Variants in HMCN1 observed in about 807,000 individuals in gnomAD.
HMCN1 encodes hemicentin-1.
In HMCN1, 321 loss-of-function variants were observed where a neutral mutation model predicts 625.9. The observed-to-expected ratio is 0.51, with a 90% CI of 0.47 to 0.56. HMCN1 has a LOEUF of 0.56. Among genes scored for constraint, HMCN1 ranks in the 20% least tolerant of loss-of-function variants. The probability of loss-of-function intolerance (pLI) is 0.00; values close to 1 mark genes in which losing one functional copy is unlikely to be tolerated. For missense variants in HMCN1, 6,588 were observed against 6,887.3 expected, an observed-to-expected ratio of 0.96 and a Z score of 1.54; for synonymous variants, 2,425 against 2,417.6, an observed-to-expected ratio of 1.00 and a Z score of -0.09.
At chr1:186,031,524 A>G (rs1655438064) in intron 36 of HMCN1, among the ~76,000 whole-genome samples, 1 of 151,842 alleles carries the variant, frequency 6.6e-6, no homozygotes, top group South Asian at 2.1e-4. Context: ...AGAATTTTTT[A>G]AACTTCTTAG....
At chr1:185,833,029 A>T (rs564900567) in intron 1 of HMCN1, among the ~76,000 whole-genome samples, 118 of 152,254 alleles carry the variant, frequency 7.8e-4, no homozygotes, top group Non-Finnish European at 1.5e-3. Context: ...TTTCTGTCTT[A>T]ATAGCCTTCT....
At chr1:185,760,409 T>A (rs1414562709) in intron 1 of HMCN1, among the ~76,000 whole-genome samples, 1 of 152,150 alleles carries the variant, frequency 6.6e-6, no homozygotes, top group Non-Finnish European at 1.5e-5. Flanking sequence ...AGAGAATATG[T>A]CTTACAATGG....
At position 185,865,974 on chromosome 1, in the gene HMCN1, T is replaced by C. The variant is rs1308594409; in HGVS notation, c.621+111T>C. 3 of 1,016,402 alleles carry C rather than the reference T, an allele frequency of 3.0e-6. No individual in the cohort carries two copies. In the Admixed American group the frequency reaches 5.8e-5, roughly 19 times the overall value. 63.0% of individuals were successfully genotyped at this position (1,016,402 alleles called of 1,614,324 possible). On this transcript the variant is annotated intron_variant, in intron 4 of 106. Transcript: ENST00000271588. ...CAAAAACAATTTTAACCAAAAGGTATAACTCCAAGGCCACAGTTCAATAAA... is the reference window on the plus strand; with the variant it reads ...CAAAAACAATTTTAACCAAAAGGTACAACTCCAAGGCCACAGTTCAATAAA...
chr1:185,980,615 T>C (rs1020969455), intron 16 of HMCN1, among the ~76,000 whole-genome samples: 3 of 151,336 alleles, frequency 2.0e-5, no homozygotes, highest in Non-Finnish European at 3.0e-5. Flanking sequence ...AGCACCACCA[T>C]TGATGGTGCA....
intron 36 of HMCN1, among the ~76,000 whole-genome samples, chr1:186,037,337 G>A (rs1488703880): frequency 6.6e-6 from 1 of 151,958 alleles, no homozygotes; most frequent in African/African-American, 2.4e-5. Flanking sequence ...CGGACTTTAC[G>A]AATTCCTACT....
At position 186,043,058 on chromosome 1, in the gene HMCN1, G is replaced by A. The variant is rs568849365; in HGVS notation, c.6304+1922G>A. 1.0e-3 allele frequency among the ~76,000 whole-genome samples: 158 copies of A among 152,216 alleles called. 1 individual carries two copies. The highest frequency in any genetic ancestry group is 3.7e-3 in the African/African-American group (152 of 41,546). ...TGAGTTTTTAAAGATTTGGATTCAT[G>A]TAGTACCTTTTCTTTAAACTTAAGC... On this transcript the variant is annotated intron_variant, in intron 40 of 106. Transcript: ENST00000271588.
intron 14 of HMCN1, among the ~76,000 whole-genome samples, chr1:185,968,802 A>T (rs1305205482): frequency 6.6e-6 from 1 of 152,158 alleles, no homozygotes; most frequent in African/African-American, 2.4e-5. Context: ...TAATATTAAA[A>T]GTAAATAGTC....
intron 2 of HMCN1, among the ~76,000 whole-genome samples, chr1:185,849,776 A>G: frequency 6.6e-6 from 1 of 152,306 alleles, no homozygotes; most frequent in East Asian, 1.9e-4. Flanking sequence ...ATAGATTTAT[A>G]TAATTATCTC....
rs1385004769 is a variant in HMCN1, at chr1:186,095,396, C to T, written c.10448C>T (p.Thr3483Ile). ...GQPLGLDAHL[T>I]VSTHGMVLQL... ...CCTCTGGGGCTTGATGCCCATCTGA[C>T]AGTCAGCACCCATGGAATGGTCCTG... Residue 3483 changes from threonine (T) to isoleucine (I), a missense_variant, in exon 68 of 107, where the codon ACA becomes ATA. By Grantham distance (89) the Thr-to-Ile change is moderately conservative (BLOSUM62 -1). This residue lies in a region of HMCN1 where 4,628 missense variants were observed against 4,853.1 expected (regional missense o/e 0.95). Coordinates refer to ENST00000271588, the MANE Select transcript of HMCN1 (RefSeq NM_031935.3). 2 of 1,613,612 alleles carry T rather than the reference C, an allele frequency of 1.2e-6. No homozygotes were observed. Among genetic ancestry groups the T allele is most frequent in the Non-Finnish European group, 1.7e-6 (2 of 1,179,858 alleles).
chr1:186,002,563 G>A (rs766383120), intron 28 of HMCN1, among the ~76,000 whole-genome samples: 94 of 152,066 alleles, frequency 6.2e-4, no homozygotes, highest in Non-Finnish European at 1.1e-3. Context: ...AACAAATTAC[G>A]AAATCATTGT....
intron 97 of HMCN1, among the ~76,000 whole-genome samples, chr1:186,162,950 G>A (rs1651610140): frequency 6.6e-6 from 1 of 152,310 alleles, no homozygotes; most frequent in East Asian, 1.9e-4. Context: ...TGTCAGACAG[G>A]GACATTTAAG....
At chr1:185,908,662 C>T (rs1359510899) in intron 4 of HMCN1, among the ~76,000 whole-genome samples, 2 of 151,812 alleles carry the variant, frequency 1.3e-5, no homozygotes, top group African/African-American at 4.8e-5. Flanking sequence ...GACTATTTTT[C>T]AAGAATACAC....
intron 97 of HMCN1, among the ~76,000 whole-genome samples, chr1:186,163,134 A>G (rs371891495): frequency 6.6e-6 from 1 of 152,062 alleles, no homozygotes; most frequent in African/African-American, 2.4e-5. Context: ...CCCCAGCCTC[A>G]CTGCTGCCTT....
intron 11 of HMCN1, among the ~76,000 whole-genome samples, chr1:185,937,388 G>A (rs904770957): frequency 6.6e-6 from 1 of 152,170 alleles, no homozygotes; most frequent in African/African-American, 2.4e-5. Context: ...GACAAAGAGA[G>A]CAAGAGAGCA....
At chr1:186,001,171 T>C in intron 26 of HMCN1, 127 bp from the exon 27 acceptor site, 1 of 813,194 alleles carries the variant, frequency 1.2e-6, no homozygotes, top group Non-Finnish European at 2.0e-6. Context: ...AAGCATATGC[T>C]TAAATATGTC....
chr1:185,792,056 A>G (rs927508248), intron 1 of HMCN1, among the ~76,000 whole-genome samples: 4 of 152,250 alleles, frequency 2.6e-5, no homozygotes, highest in South Asian at 2.1e-4. Context: ...CTTGCCCTCA[A>G]GAAACTCACC....
intron 11 of HMCN1, among the ~76,000 whole-genome samples, chr1:185,940,775 T>G (rs1301159779): frequency 6.6e-6 from 1 of 152,134 alleles, no homozygotes; most frequent in Non-Finnish European, 1.5e-5. Context: ...ACACTTTTTT[T>G]TTTTTGAGAC....
intron 1 of HMCN1, among the ~76,000 whole-genome samples, chr1:185,837,748 A>G (rs1661256196): frequency 6.6e-6 from 1 of 152,176 alleles, no homozygotes; most frequent in Non-Finnish European, 1.5e-5. Flanking sequence ...GAACAAACAT[A>G]CTATTTTAGG....
intron 51 of HMCN1, 40 bp downstream of exon 51, chr1:186,069,816 ATTTTTCTAAC>A: frequency 7.3e-7 from 1 of 1,365,042 alleles, no homozygotes; most frequent in Non-Finnish European, 1.0e-6. Context: ...AGCTTCCCCA[ATTTTTCTAAC>A]TTTTTCAATC....
Sources: gnomAD v4.1 joint callset for allele counts (sites outside exome capture counted in the v4.1 genomes callset) on GRCh38, gnomAD v4.1.1 for gene constraint, gnomAD v4.1.1 regional missense constraint, MANE v1.5 for transcripts, NCBI Gene and HGNC (gene_info 2026-07-23, HGNC 2026-07-21) for gene names.